KIAA0232: variants seen among roughly 807,000 people sequenced by gnomAD.
KIAA0232 encodes the protein uncharacterized protein KIAA0232.
KIAA0232 carries 27 observed loss-of-function variants against 122.0 expected under a neutral mutation model. That is an observed-to-expected ratio of 0.22 (90% confidence interval 0.16 to 0.31). KIAA0232 has a LOEUF of 0.31. Among genes scored for constraint, KIAA0232 ranks in the 10% least tolerant of loss-of-function variants. The probability of loss-of-function intolerance (pLI) is 1.00; values close to 1 mark genes in which losing one functional copy is unlikely to be tolerated. For synonymous variants in KIAA0232, 613 were observed against 587.6 expected, an observed-to-expected ratio of 1.04 and a Z score of -0.63; for missense variants, 1,551 against 1,634.2, an observed-to-expected ratio of 0.95 and a Z score of 0.88.
At chr4:6,873,079 A>G (rs1287512359) in intron 8 of KIAA0232, among the ~76,000 whole-genome samples, 2 of 152,170 alleles carry the variant, frequency 1.3e-5, no homozygotes, top group African/African-American at 2.4e-5. Context: ...CCGCCCTACC[A>G]TTAGCTCATA....
chr4:6,842,366 A>G (rs943994338), intron 4 of KIAA0232, among the ~76,000 whole-genome samples, 162 bp downstream of exon 4: 4 of 152,108 alleles, frequency 2.6e-5, no homozygotes, highest in Non-Finnish European at 4.4e-5. Context: ...GTATTTTTCT[A>G]TATTTTCTGA....
Position 6,861,862 on chromosome 4 carries a change from G to T in KIAA0232, c.1480G>T (p.Asp494Tyr). 2 of 1,613,806 alleles carry T rather than the reference G, an allele frequency of 1.2e-6. No homozygotes were observed. The highest frequency in any genetic ancestry group is 1.1e-5 in the South Asian group (1 of 91,020). The change falls in exon 7 of 10, where the codon GAC becomes TAC. Residue 494 changes from aspartate (D) to tyrosine (Y), a missense_variant. By Grantham distance (160) the Asp-to-Tyr change is radical (BLOSUM62 -3). This residue lies in a region of KIAA0232 where 1,108 missense variants were observed against 1,154.8 expected (regional missense o/e 0.96). Coordinates refer to ENST00000307659, the MANE Select transcript of KIAA0232 (RefSeq NM_014743.3). ...GACCTCATTATGTTCTCTACCAGAGGACAATAAATACCTGGATGATATTCA... is the reference window on the plus strand; with the variant it reads ...GACCTCATTATGTTCTCTACCAGAGTACAATAAATACCTGGATGATATTCA... Reference protein sequence around the residue: ...TGTSLCSLPEDNKYLDDIHLS... With the variant: ...TGTSLCSLPEYNKYLDDIHLS...
At chr4:6,795,843 GGCCTCCGCAAGTGCT>G (rs1274138576) in intron 1 of KIAA0232, among the ~76,000 whole-genome samples, 12 of 152,282 alleles carry the variant, frequency 7.9e-5, no homozygotes, top group Non-Finnish European at 1.2e-4. Context: ...CGCTTGCCTT[GGCCTCCGCAAGTGCT>G]GGGGTTACAG....
chr4:6,810,664 G>A (rs1324202121), intron 2 of KIAA0232, among the ~76,000 whole-genome samples: 1 of 152,142 alleles, frequency 6.6e-6, no homozygotes, highest in Non-Finnish European at 1.5e-5. Context: ...GAGAGAAAAT[G>A]TTTGCAAACT....
intron 3 of KIAA0232, among the ~76,000 whole-genome samples, chr4:6,837,476 G>T (rs1193980667): frequency 6.6e-6 from 1 of 152,156 alleles, no homozygotes; most frequent in Non-Finnish European, 1.5e-5. Context: ...ACGATGGGCG[G>T]CTGGGCAGAG....
At chr4:6,847,321 C>A (rs1720018234) in intron 4 of KIAA0232, among the ~76,000 whole-genome samples, 1 of 152,184 alleles carries the variant, frequency 6.6e-6, no homozygotes, top group African/African-American at 2.4e-5. Context: ...GCTCCACTTA[C>A]ATACTTGTGA....
At position 6,861,723 on chromosome 4, in the gene KIAA0232, T is replaced by A. The variant is rs1260593283; in HGVS notation, c.1341T>A (p.Gly447=). Residue 447 remains glycine (G), a synonymous_variant, in exon 7 of 10, where the codon GGT becomes GGA. Transcript: ENST00000307659. ...AVEELSESVH[G]LCISNNNLHK... Reference sequence around the variant, plus strand: ...AAGAATTGTCTGAATCAGTGCATGGTCTTTGTATCAGCAACAATAATCTTC... The same window carrying A: ...AAGAATTGTCTGAATCAGTGCATGGACTTTGTATCAGCAACAATAATCTTC... The A allele has an allele frequency of 6.2e-7, 1 of 1,614,162 alleles. No homozygotes were observed. Among genetic ancestry groups the A allele is most frequent in the Admixed American group, 1.7e-5 (1 of 60,020 alleles).
In KIAA0232 at chr4:6,863,240, A is replaced by G. The variant is rs374891927; in HGVS notation, c.2858A>G (p.His953Arg). Residue 953 changes from histidine to arginine, a missense_variant, in exon 7 of 10, where the codon CAC becomes CGC. Physicochemically the swap from His to Arg is conservative, Grantham distance 29. This residue lies in a region of KIAA0232 where 1,108 missense variants were observed against 1,154.8 expected (regional missense o/e 0.96). Transcript: ENST00000307659. ...GAGTGGGCAGTCGTACCACCTAGTC[A>G]CACAAAAGGAAGTCTGTTACAGTGT... ...DGEWAVVPPS[H>R]TKGSLLQCAA... 5.6e-6 allele frequency: 9 copies of G among 1,614,028 alleles called. No individual in the cohort carries two copies. The African/African-American group carries it at 9.3e-5, about 17-fold the overall frequency.
At chr4:6,836,824 T>C (rs920011309) in intron 3 of KIAA0232, among the ~76,000 whole-genome samples, 3 of 151,824 alleles carry the variant, frequency 2.0e-5, no homozygotes, top group Non-Finnish European at 4.4e-5. Flanking sequence ...ATTTAACCCT[T>C]AGTGGACACA....
Position 6,865,686 on chromosome 4 carries a change from A to G in KIAA0232, c.3801+1503A>G, listed in dbSNP as rs1577411931. Among the ~76,000 whole-genome samples the G allele has an allele frequency of 2.0e-5, 3 of 152,242 alleles. No homozygotes were observed. In the South Asian group the frequency reaches 6.2e-4, roughly 32 times the overall value. ...CAGATGAGTGTTGCACTTCCTCCCA[A>G]CTGTCCTGCACACCCTACCCACCAT... is the stretch of plus-strand genomic sequence containing the variant. On this transcript the variant is annotated intron_variant, in intron 7 of 9. Transcript: ENST00000307659.
At position 6,792,928 on chromosome 4, in the gene KIAA0232, C is replaced by T. The variant is rs575623378; in HGVS notation, c.-354+10087C>T. ...GTCTCGATCTCCTGATCTCGTGATC[C>T]GCCTGCCTCAGCCTCCCAAAGTGCT... On this transcript the variant is annotated intron_variant, in intron 1 of 9. Transcript: ENST00000307659. Among the ~76,000 whole-genome samples the T allele has an allele frequency of 3.9e-5, 6 of 152,140 alleles. No individual in the cohort carries two copies. In the East Asian group the frequency reaches 7.7e-4, roughly 20 times the overall value.
rs535672974 is a variant in KIAA0232 at position 6,877,400 on chromosome 4, C to T, written c.4008+643C>T. Among the ~76,000 whole-genome samples the T allele has an allele frequency of 7.9e-5, 12 of 152,258 alleles. No homozygotes were observed. The South Asian group carries it at 2.1e-3, about 26-fold the overall frequency. The stretch of plus-strand genomic sequence containing the variant: ...GTTAAGAGGCAGGCAGGCAAATGAA[C>T]CTAAGGAAAATTCTTTTTATTTGGT... On this transcript the variant is annotated intron_variant, in intron 9 of 9. Transcript: ENST00000307659.
intron 3 of KIAA0232, among the ~76,000 whole-genome samples, chr4:6,835,158 G>T (rs1719194478): frequency 6.6e-6 from 1 of 152,160 alleles, no homozygotes; most frequent in African/African-American, 2.4e-5. Flanking sequence ...GTTGACCAGA[G>T]CCTCTTCATG....
At chr4:6,794,264 A>G (rs1243840114) in intron 1 of KIAA0232, among the ~76,000 whole-genome samples, 2 of 152,250 alleles carry the variant, frequency 1.3e-5, no homozygotes, top group Non-Finnish European at 2.9e-5. Flanking sequence ...TGCACCGGAC[A>G]GAAAGGCCTG....
At chr4:6,838,900 G>A (rs4472139) in intron 3 of KIAA0232, among the ~76,000 whole-genome samples, 28,613 of 152,048 alleles carry the variant, frequency 0.19, 3,572 homozygotes, top group East Asian at 0.41. Flanking sequence ...AGGCCGAGGC[G>A]GGCAGATCAC....
At chr4:6,786,209 A>G (rs189161873) in intron 1 of KIAA0232, among the ~76,000 whole-genome samples, 1 of 152,380 alleles carries the variant, frequency 6.6e-6, no homozygotes, top group East Asian at 1.9e-4. Context: ...TTTGCTAAAT[A>G]AAGTCAAAGT....
chr4:6,865,184 A>G (rs190038988), intron 7 of KIAA0232, among the ~76,000 whole-genome samples: 47 of 152,362 alleles, frequency 3.1e-4, no homozygotes, highest in Middle Eastern at 6.8e-3. Context: ...AAGAAATAAC[A>G]CTTAAGACAA....
In KIAA0232 at chr4:6,879,064, C is replaced by T. The variant is rs375165764; in HGVS notation, c.4009-1723C>T. On this transcript the variant is annotated intron_variant, in intron 9 of 9. Coordinates refer to ENST00000307659, the MANE Select transcript of KIAA0232 (RefSeq NM_014743.3). ...GACCGTTCCCCGCTGTCAGCCACTTCGCATCTCCCACTTCTCCTCCTCTCC... is the reference window on the plus strand; with the variant it reads ...GACCGTTCCCCGCTGTCAGCCACTTTGCATCTCCCACTTCTCCTCCTCTCC... Among the ~76,000 whole-genome samples, 60 of 152,296 alleles carry T rather than the reference C, an allele frequency of 3.9e-4. 1 individual carries two copies. In the South Asian group the frequency reaches 0.012, roughly 30 times the overall value.
intron 1 of KIAA0232, among the ~76,000 whole-genome samples, chr4:6,799,060 G>A (rs1471772881): frequency 1.3e-5 from 2 of 152,068 alleles, no homozygotes; most frequent in Non-Finnish European, 2.9e-5. Context: ...TGGCAGGGCT[G>A]GTTCCTTCTG....
Sources: allele counts gnomAD v4.1 joint callset (sites outside exome capture counted in the v4.1 genomes callset), GRCh38; gene constraint gnomAD v4.1.1; regional missense constraint gnomAD v4.1.1; transcripts MANE v1.5; gene names NCBI Gene and HGNC (gene_info 2026-07-23, HGNC 2026-07-21).